PCDH15: variants seen among roughly 807,000 people sequenced by gnomAD.
PCDH15 encodes the protein protocadherin related 15.
Under a neutral mutation model 178.5 loss-of-function variants are expected in PCDH15, and 129 were observed. That is an observed-to-expected ratio of 0.72 (90% CI 0.63 to 0.84). PCDH15 has a LOEUF of 0.84. Among genes scored for constraint, PCDH15 ranks in the 40% least tolerant of loss-of-function variants. PCDH15 has a pLI of 0.00. For synonymous variants in PCDH15, 800 were observed against 732.0 expected (o/e 1.09, Z -1.50); for missense variants, 2,230 against 2,099.9 (o/e 1.06, Z -1.21).
At chr10:54,291,582 A>G (rs941021945) in intron 8 of PCDH15, among the ~76,000 whole-genome samples, 13 of 152,216 alleles carry the variant, frequency 8.5e-5, no homozygotes, top group Admixed American at 7.9e-4. Flanking sequence ...TAGAAGACTA[A>G]TAAAGAGGAA....
chr10:53,920,947 T>C (rs966701406), intron 25 of PCDH15, among the ~76,000 whole-genome samples: 3 of 152,206 alleles, frequency 2.0e-5, no homozygotes, highest in African/African-American at 7.2e-5. Context: ...GCTGTGTTCA[T>C]TAGTCATATG....
intron 3 of PCDH15, among the ~76,000 whole-genome samples, chr10:54,856,163 T>C (rs182906300): frequency 1.9e-3 from 289 of 152,310 alleles, no homozygotes; most frequent in African/African-American, 5.4e-3. Context: ...ATTTGACAGA[T>C]GCTAATGTAA....
chr10:55,517,578 AAAGAG>A (rs1432974405), intron 2 of PCDH15, among the ~76,000 whole-genome samples: 1 of 152,198 alleles, frequency 6.6e-6, no homozygotes, highest in Non-Finnish European at 1.5e-5. Context: ...GTGGCCAAAT[AAAGAG>A]AATAGTGGTT....
intron 1 of PCDH15, among the ~76,000 whole-genome samples, chr10:55,266,465 C>T (rs1274652934): frequency 6.6e-6 from 1 of 152,152 alleles, no homozygotes; most frequent in African/African-American, 2.4e-5. Flanking sequence ...AAAGGCAGGT[C>T]CCTCGTGAGG....
At chr10:55,295,813 C>A (rs373760514) in intron 1 of PCDH15, among the ~76,000 whole-genome samples, 40 of 152,212 alleles carry the variant, frequency 2.6e-4, no homozygotes, top group African/African-American at 9.6e-4. Context: ...TCCTAAAATT[C>A]ATGTCTGACA....
chr10:54,305,243 A>C (rs1260676380), intron 8 of PCDH15, among the ~76,000 whole-genome samples: 1 of 152,134 alleles, frequency 6.6e-6, no homozygotes, highest in Non-Finnish European at 1.5e-5. Context: ...AACTGAAATA[A>C]GGAATATGTA....
At position 54,768,845 on chromosome 10, in the gene PCDH15, GC is replaced by G. The variant is rs200122310; in HGVS notation, c.-29+32079del. On this transcript the variant is annotated intron_variant, in intron 1 of 37. Coordinates refer to ENST00000644397, the MANE Select transcript of PCDH15 (RefSeq NM_001384140.1). ...GCCACTTGTAAAGTGATCTGCATTA[GC>G]ACAGTCCTGAGCTGTCTTTAGTTTC... 9.8e-3 allele frequency among the ~76,000 whole-genome samples: 1,491 copies of G among 152,172 alleles called. 23 individuals carry two copies. Among genetic ancestry groups the G allele is most frequent in the East Asian group, 0.056 (287 of 5,156 alleles).
chr10:55,257,924 G>C (rs941958421), intron 1 of PCDH15, among the ~76,000 whole-genome samples: 2 of 152,172 alleles, frequency 1.3e-5, no homozygotes, highest in Non-Finnish European at 2.9e-5. Flanking sequence ...ATAATTGTCA[G>C]ATTCACCAAA....
rs547899951 is a variant in PCDH15 at position 54,104,634 on chromosome 10, G to A, written c.1918-14571C>T. 1.6e-3 allele frequency among the ~76,000 whole-genome samples: 246 copies of A among 151,724 alleles called. 2 individuals carry two copies. The highest frequency in any genetic ancestry group is 5.6e-3 in the African/African-American group (233 of 41,358). On this transcript the variant is annotated intron_variant, in intron 15 of 37. Coordinates refer to ENST00000644397, the MANE Select transcript of PCDH15 (RefSeq NM_001384140.1). ...AGGCAGATTACGAGGTCAGGAGATC[G>A]AGACCATCCTGGTTGATACAGTGAA...
At chr10:54,162,357 T>C (rs537111382) in intron 13 of PCDH15, among the ~76,000 whole-genome samples, 4 of 152,202 alleles carry the variant, frequency 2.6e-5, no homozygotes, top group Non-Finnish European at 5.9e-5. Context: ...TGGACAGGTA[T>C]GAAAGCTCTG....
At chr10:54,085,463 C>G (rs542884638) in intron 16 of PCDH15, among the ~76,000 whole-genome samples, 2 of 152,210 alleles carry the variant, frequency 1.3e-5, no homozygotes, top group East Asian at 1.9e-4. Context: ...ATTAGGCCAT[C>G]ATATTTATAA....
chr10:55,302,724 T>A (rs1209161312), intron 1 of PCDH15, among the ~76,000 whole-genome samples: 1 of 152,224 alleles, frequency 6.6e-6, no homozygotes, highest in African/African-American at 2.4e-5. Context: ...AATAGCTGGA[T>A]ACCATGTCCT....
At chr10:55,582,630 T>TATATATATA (rs1564465801) in intron 2 of PCDH15, among the ~76,000 whole-genome samples, 9 of 100,198 alleles carry the variant, frequency 9.0e-5, no homozygotes, top group African/African-American at 3.1e-4. Flanking sequence ...ATATATATAT[T>TATATATATA]TTTTTTTTTT....
intron 21 of PCDH15, among the ~76,000 whole-genome samples, chr10:53,972,353 A>G (rs1397613747): frequency 6.6e-6 from 1 of 152,220 alleles, no homozygotes; most frequent in Non-Finnish European, 1.5e-5. Context: ...AAACCTAGGT[A>G]ATACCATTCA....
At chr10:54,056,585 C>A (rs2093893339) in intron 18 of PCDH15, among the ~76,000 whole-genome samples, 1 of 152,116 alleles carries the variant, frequency 6.6e-6, no homozygotes, top group African/African-American at 2.4e-5. Flanking sequence ...ATTATCTTCA[C>A]CTGGCCCCTC....
chr10:55,088,552 G>A (rs1368159383), intron 2 of PCDH15, among the ~76,000 whole-genome samples: 1 of 152,048 alleles, frequency 6.6e-6, no homozygotes, highest in African/African-American at 2.4e-5. Flanking sequence ...AGGATTACAG[G>A]CATGAGCCAC....
chr10:55,065,584 G>A (rs1424653464), intron 2 of PCDH15, among the ~76,000 whole-genome samples: 1 of 152,018 alleles, frequency 6.6e-6, no homozygotes, highest in African/African-American at 2.4e-5. Flanking sequence ...TATGAACCCA[G>A]GAGAGTAGAT....
At chr10:55,031,331 C>T (rs1840604107) in intron 2 of PCDH15, among the ~76,000 whole-genome samples, 1 of 152,178 alleles carries the variant, frequency 6.6e-6, no homozygotes, top group Non-Finnish European at 1.5e-5. Context: ...ACATTGTATT[C>T]ATAGTTTCTG....
At chr10:55,259,674 G>A (rs1436793096) in intron 1 of PCDH15, among the ~76,000 whole-genome samples, 1 of 152,046 alleles carries the variant, frequency 6.6e-6, no homozygotes, top group Non-Finnish European at 1.5e-5. Flanking sequence ...GGGAGGCTGA[G>A]GTGGGCGGAT....
Sources: allele counts gnomAD v4.1 joint callset (sites outside exome capture counted in the v4.1 genomes callset), GRCh38; gene constraint gnomAD v4.1.1; transcripts MANE v1.5; gene names NCBI Gene and HGNC (gene_info 2026-07-23, HGNC 2026-07-21).